Variants in AMER1 observed in about 807,000 individuals in gnomAD.
The protein encoded by AMER1 is RP11-403E24.2.
A neutral mutation model predicts 53.0 loss-of-function variants in AMER1; 16 were observed. The ratio of observed to expected loss-of-function variants is 0.30; its 90% CI spans 0.20 to 0.46. AMER1 has a LOEUF of 0.46. AMER1 is among the 20% of genes least tolerant of loss of function. The pLI is 1.00. For missense variants in AMER1, 947 were observed against 884.9 expected, an observed-to-expected ratio of 1.07 and a Z score of -0.89; for synonymous variants, 354 against 331.9, an observed-to-expected ratio of 1.07 and a Z score of -0.73.
intron 1 of AMER1, among the ~76,000 whole-genome samples, chrX:64,202,046 C>T (rs773005083): frequency 2.7e-5 from 3 of 111,860 alleles, no homozygotes; most frequent in Admixed American, 9.4e-5. Context: ...CCATGTTGCC[C>T]GAGCTGGTCT....
intron 1 of AMER1, among the ~76,000 whole-genome samples, chrX:64,194,244 G>A (rs997618012): frequency 2.7e-5 from 3 of 111,148 alleles, no homozygotes; most frequent in Non-Finnish European, 5.7e-5. Context: ...ACCATGAGGT[G>A]GACTGTTTCT....
At position 64,197,511 on chromosome X, in the gene AMER1, A is replaced by T. The variant is rs142069271; in HGVS notation, c.-98-4127T>A. On this transcript the variant is annotated intron_variant, in intron 1 of 1. Coordinates refer to ENST00000374869, the MANE Select transcript of AMER1 (RefSeq NM_152424.4). ...AGCCTTGCACATTCTGCTCCAAATCAGCTTCCCGGGGCCAGCATGGCCAAC... is the reference window on the plus strand; with the variant it reads ...AGCCTTGCACATTCTGCTCCAAATCTGCTTCCCGGGGCCAGCATGGCCAAC... Among the ~76,000 whole-genome samples, 54 of 113,076 alleles carry T rather than the reference A, an allele frequency of 4.8e-4. No homozygotes were observed. The East Asian group carries it at 0.013, about 27-fold the overall frequency.
intron 1 of AMER1, among the ~76,000 whole-genome samples, chrX:64,201,187 G>A (rs1930481524): frequency 9.0e-6 from 1 of 110,925 alleles, no homozygotes; most frequent in South Asian, 3.9e-4. Flanking sequence ...AGGGGAGGTG[G>A]AGGGAGCAAC....
In AMER1 at chrX:64,189,514, G is replaced by GTGTGTGTGTGAATATA; in HGVS notation, c.*364_*365insTATATTCACACACACA. The GTGTGTGTGTGAATATA allele has an allele frequency of 3.6e-5, 1 of 28,064 alleles. No individual in the cohort carries two copies. Among genetic ancestry groups the GTGTGTGTGTGAATATA allele is most frequent in the African/African-American group, 1.7e-4 (1 of 5,953 alleles). The allele number at this position is 28,064 out of a possible 1,213,427, so 2.3% of individuals were successfully genotyped here. On this transcript the variant is annotated 3_prime_UTR_variant, in exon 2 of 2. Transcript: ENST00000374869. ...TGTGTGTGTGTGTGTGTGTGTGTGT[G>GTGTGTGTGTGAATATA]TATATATATATATATATATATATAT... is the stretch of plus-strand genomic sequence containing the variant.
At chrX:64,204,155 G>A (rs1930546244) in intron 1 of AMER1, among the ~76,000 whole-genome samples, 1 of 113,001 alleles carries the variant, frequency 8.8e-6, no homozygotes, top group Non-Finnish European at 1.9e-5. Context: ...CTGTGCAGTG[G>A]GTGGTGCCGA....
chrX:64,194,366 C>T (rs1398790829), intron 1 of AMER1, among the ~76,000 whole-genome samples: 1 of 111,651 alleles, frequency 9.0e-6, no homozygotes, highest in Non-Finnish European at 1.9e-5. Flanking sequence ...GATAGGTTCC[C>T]AATGGCTTTT....
At position 64,192,476 on chromosome X, in the gene AMER1, G is replaced by T; in HGVS notation, c.811C>A (p.Gln271Lys). ...CTGGCTTCAGGGGCAGGCTTGGGTT[G>T]CACATGTGCTGAGGCACAGGCCTCC... ...PMEACASAHV[Q>K]PKPAPEASSL... is the part of the protein sequence containing the mutation. Residue 271 changes from glutamine to lysine, a missense_variant, in exon 2 of 2, where the codon CAA becomes AAA. By Grantham distance (53) the Gln-to-Lys change is moderately conservative. Transcript: ENST00000374869. The T allele has an allele frequency of 8.3e-7, 1 of 1,202,727 alleles. No homozygotes were observed. The highest frequency in any genetic ancestry group is 1.1e-6 in the Non-Finnish European group (1 of 891,997).
chrX:64,190,030 TGAG>T lies in AMER1; in HGVS notation c.3254_3256del (p.Pro1085del), dbSNP rs1441219810. 3 of 1,206,632 alleles carry T rather than the reference TGAG, an allele frequency of 2.5e-6. No homozygotes were observed. Among genetic ancestry groups the T allele is most frequent in the Non-Finnish European group, 3.4e-6 (3 of 892,736 alleles). On this transcript the variant is annotated inframe_deletion, in exon 2 of 2. Transcript: ENST00000374869. ...GTGCTCAGGCCGGACCCTGGGCAGC[TGAG>T]GAATGCCATGGGTGATGCCCACAGG...
At chrX:64,205,212 A>C (rs1234600610) in intron 1 of AMER1, among the ~76,000 whole-genome samples, 2 of 113,695 alleles carry the variant, frequency 1.8e-5, no homozygotes, top group Non-Finnish European at 1.9e-5. Flanking sequence ...CCTGGCCTAC[A>C]AATGCATGGC....
rs770407615 is a variant in AMER1 at position 64,185,385 on chromosome X, C to T, written c.*4494G>A. On this transcript the variant is annotated 3_prime_UTR_variant, in exon 2 of 2. Transcript: ENST00000374869. ...TGTACTGCAGTTCCTAATTTCTTCC[C>T]TCCTTCCTCCAGCCATTTTATTTAA... 5.3e-5 allele frequency: 9 copies of T among 169,191 alleles called. No individual in the cohort carries two copies. The highest frequency in any genetic ancestry group is 1.0e-4 in the Non-Finnish European group (9 of 88,819). 13.9% of individuals were successfully genotyped at this position (169,191 alleles called of 1,213,427 possible). A position where few individuals can be genotyped will look rare whatever the true frequency, so the allele number is the denominator to read the frequency against.
Position 64,201,448 on chromosome X carries a change from AACACACACACACAC to A in AMER1, c.-99+4108_-99+4121del, listed in dbSNP as rs532857666. Among the ~76,000 whole-genome samples, 9 of 83,134 alleles carry A rather than the reference AACACACACACACAC, an allele frequency of 1.1e-4. No homozygotes were observed. In the East Asian group the frequency reaches 3.4e-3, roughly 31 times the overall value. The allele number at this position is 83,134 out of a possible 115,157, so 72.2% of individuals were successfully genotyped here. ...CCAGCTGCTCGCAACTCCTTCCCCCAACACACACACACACACACACACACACACACACACACACA... is the reference window on the plus strand; with the variant it reads ...CCAGCTGCTCGCAACTCCTTCCCCCAACACACACACACACACACACACACA... On this transcript the variant is annotated intron_variant, in intron 1 of 1. Transcript: ENST00000374869.
At position 64,192,931 on chromosome X, in the gene AMER1, G is replaced by A. The variant is rs759519548; in HGVS notation, c.356C>T (p.Pro119Leu). 1 of 1,211,739 alleles carries A rather than the reference G, an allele frequency of 8.3e-7. No individual in the cohort carries two copies. The highest frequency in any genetic ancestry group is 1.1e-6 in the Non-Finnish European group (1 of 895,527). The change falls in exon 2 of 2, where the codon CCT (proline) becomes CTT (leucine). Residue 119 changes from proline to leucine, a missense_variant. By Grantham distance (98) the Pro-to-Leu change is moderately conservative. Coordinates refer to ENST00000374869, the MANE Select transcript of AMER1 (RefSeq NM_152424.4). ...AAATTGGCAGGGTAACTCAGGCAAA[G>A]GCAGGGAGAAGCCAGTTCCTTCACT... is the stretch of plus-strand genomic sequence containing the variant. ...VVSEGTGFSL[P>L]LPELPCQFPS... is the part of the protein sequence containing the mutation.
At chrX:64,201,927 C>T (rs770381124) in intron 1 of AMER1, among the ~76,000 whole-genome samples, 1 of 112,436 alleles carries the variant, frequency 8.9e-6, no homozygotes, top group African/African-American at 3.2e-5. Flanking sequence ...GCCTTGATGT[C>T]TCAGGCCCAA....
chrX:64,189,793 A>ACCGGGGCCCCCCCCC lies in AMER1; in HGVS notation c.*85_*86insGGGGGGGGGCCCCGG. 2 of 292,071 alleles carry ACCGGGGCCCCCCCCC rather than the reference A, an allele frequency of 6.8e-6. No individual in the cohort carries two copies. The highest frequency in any genetic ancestry group is 9.8e-6 in the Non-Finnish European group (2 of 204,829). The allele number at this position is 292,071 out of a possible 1,213,427, so 24.1% of individuals were successfully genotyped here. On this transcript the variant is annotated 3_prime_UTR_variant, in exon 2 of 2. Transcript: ENST00000374869. ...CAAAGGGTTTTCAAGTTAAACAACA[A>ACCGGGGCCCCCCCCC]CCCCCACCCCCCCACCCTTCTGCCC...
rs1602065113 is a variant in AMER1 at position 64,187,514 on chromosome X, C to T, written c.*2365G>A. On this transcript the variant is annotated 3_prime_UTR_variant, in exon 2 of 2. Coordinates refer to ENST00000374869, the MANE Select transcript of AMER1 (RefSeq NM_152424.4). ...CCTTCCTGATCCTGAGGGCAGCTCT[C>T]AGCCCTTAGCCAAAGGTTGGCCACC... The T allele has an allele frequency of 2.6e-6, 2 of 783,039 alleles. No homozygotes were observed. Among genetic ancestry groups the T allele is most frequent in the East Asian group, 8.5e-5 (1 of 11,814 alleles). 64.5% of individuals were successfully genotyped at this position (783,039 alleles called of 1,213,427 possible).
At position 64,188,269 on chromosome X, in the gene AMER1, C is replaced by T. The variant is rs1318163801; in HGVS notation, c.*1610G>A. The T allele has an allele frequency of 1.1e-5, 9 of 800,623 alleles. No homozygotes were observed. Among genetic ancestry groups the T allele is most frequent in the Non-Finnish European group, 1.2e-5 (8 of 668,567 alleles). The allele number at this position is 800,623 out of a possible 1,213,427, so 66.0% of individuals were successfully genotyped here. A position where few individuals can be genotyped will look rare whatever the true frequency, so the allele number is the denominator to read the frequency against. ...TAATCATAATTTGAGTGAACACAGC[C>T]AAGCAAAAAATGTTCCATATGCCAT... On this transcript the variant is annotated 3_prime_UTR_variant, in exon 2 of 2. Coordinates refer to ENST00000374869, the MANE Select transcript of AMER1 (RefSeq NM_152424.4).
At chrX:64,203,588 G>A (rs1477777688) in intron 1 of AMER1, among the ~76,000 whole-genome samples, 1 of 111,601 alleles carries the variant, frequency 9.0e-6, no homozygotes, top group East Asian at 2.8e-4. Flanking sequence ...ATATGCCCAG[G>A]AGAAGTAGGC....
chrX:64,186,773 C>T lies in AMER1; in HGVS notation c.*3106G>A. On this transcript the variant is annotated 3_prime_UTR_variant, in exon 2 of 2. Transcript: ENST00000374869. ...GCTTGAACTGGGCCCCAAGGCAGTG[C>T]TTCCTTGGAGACTCTAAAGCACCAA... 1.3e-6 allele frequency: 1 copy of T among 775,044 alleles called. No homozygotes were observed. The highest frequency in any genetic ancestry group is 1.5e-6 in the Non-Finnish European group (1 of 651,292). The allele number at this position is 775,044 out of a possible 1,213,427, so 63.9% of individuals were successfully genotyped here. A position where few individuals can be genotyped will look rare whatever the true frequency, so the allele number is the denominator to read the frequency against.
rs772682408 is a variant in AMER1 at position 64,190,358 on chromosome X, G to A, written c.2929C>T (p.Pro977Ser). 1 of 1,211,425 alleles carries A rather than the reference G, an allele frequency of 8.3e-7. No homozygotes were observed. The highest frequency in any genetic ancestry group is 1.8e-5 in the South Asian group (1 of 56,766). ...PVGPGPAWIS[P>S]NQLDRPSSQS... Reference sequence around the variant, plus strand: ...CTGGAAGGCCTGTCCAACTGGTTGGGGCTTATCCAGGCAGGACCTGGCCCC... The same window carrying A: ...CTGGAAGGCCTGTCCAACTGGTTGGAGCTTATCCAGGCAGGACCTGGCCCC... Residue 977 changes from proline (P) to serine (S), a missense_variant, in exon 2 of 2, where the codon CCC becomes TCC. Transcript: ENST00000374869.
Sources: allele counts gnomAD v4.1 joint callset (sites outside exome capture counted in the v4.1 genomes callset), GRCh38; gene constraint gnomAD v4.1.1; transcripts MANE v1.5; gene names NCBI Gene and HGNC (gene_info 2026-07-23, HGNC 2026-07-21).